Variants in CTNND2 observed in about 807,000 individuals in gnomAD.
CTNND2 encodes catenin delta 2, also known as catenin delta-2.
In CTNND2, 22 loss-of-function variants were observed where a neutral mutation model predicts 144.4. That is an observed-to-expected ratio of 0.15 (90% CI 0.11 to 0.22). The LOEUF is 0.22. Among genes scored for constraint, CTNND2 ranks in the 10% least tolerant of loss-of-function variants. The probability of loss-of-function intolerance (pLI) is 1.00; values close to 1 mark genes in which losing one functional copy is unlikely to be tolerated. For missense variants in CTNND2, 1,353 were observed against 1,618.8 expected (o/e 0.84, Z 2.82); for synonymous variants, 751 against 695.6 (o/e 1.08, Z -1.25).
intron 9 of CTNND2, among the ~76,000 whole-genome samples, chr5:11,242,250 T>C (rs1742529654): frequency 2.0e-5 from 3 of 152,224 alleles, no homozygotes; most frequent in Admixed American, 2.0e-4. Context: ...TCACACACTT[T>C]AATGTTCTAA....
At chr5:11,564,915 A>G in intron 3 of CTNND2, 29 bp downstream of exon 3, 1 of 1,483,254 alleles carries the variant, frequency 6.7e-7, no homozygotes, top group South Asian at 1.2e-5. Flanking sequence ...AACTCAAAGC[A>G]CAGACAATGA....
chr5:11,270,498 G>A (rs989187411), intron 9 of CTNND2, among the ~76,000 whole-genome samples: 1 of 151,126 alleles, frequency 6.6e-6, no homozygotes, highest in Non-Finnish European at 1.5e-5. Context: ...TCCATTCACT[G>A]TAATATTTAG....
At chr5:11,558,825 A>T (rs996501430) in intron 3 of CTNND2, among the ~76,000 whole-genome samples, 1 of 152,132 alleles carries the variant, frequency 6.6e-6, no homozygotes, top group Non-Finnish European at 1.5e-5. Context: ...CATTGTGAAG[A>T]TATTTAACAT....
At chr5:11,370,818 T>C (rs1018652620) in intron 7 of CTNND2, among the ~76,000 whole-genome samples, 9 of 152,212 alleles carry the variant, frequency 5.9e-5, no homozygotes, top group African/African-American at 9.6e-5. Flanking sequence ...CTAAATGACA[T>C]AGTATTCACA....
intron 2 of CTNND2, among the ~76,000 whole-genome samples, chr5:11,719,077 GCTAA>G (rs1396294718): frequency 1.3e-5 from 2 of 152,188 alleles, no homozygotes; most frequent in East Asian, 1.9e-4. Context: ...AACACTGAGA[GCTAA>G]CTGTCTTCAT....
intron 2 of CTNND2, among the ~76,000 whole-genome samples, chr5:11,566,043 G>T (rs554260033): frequency 6.6e-6 from 1 of 152,298 alleles, no homozygotes; most frequent in East Asian, 1.9e-4. Flanking sequence ...TCAAAAGGTT[G>T]CAGGGATATA....
chr5:11,637,458 C>G (rs1325520241), intron 2 of CTNND2, among the ~76,000 whole-genome samples: 2 of 152,060 alleles, frequency 1.3e-5, no homozygotes, highest in Non-Finnish European at 2.9e-5. Flanking sequence ...CACTTAATTT[C>G]CCTCCAATTA....
At position 11,384,859 on chromosome 5, in the gene CTNND2, G is replaced by C. The variant is rs1277730178; in HGVS notation, c.983C>G (p.Pro328Arg). The C allele has an allele frequency of 2.0e-5, 33 of 1,612,582 alleles. No individual in the cohort carries two copies. The highest frequency in any genetic ancestry group is 2.7e-5 in the Non-Finnish European group (32 of 1,179,648). The change falls in exon 7 of 22, where the codon CCG becomes CGG. Residue 328 changes from proline to arginine, a missense_variant. Pro to Arg is a moderately radical substitution (Grantham distance 103). Coordinates refer to ENST00000304623, the MANE Select transcript of CTNND2 (RefSeq NM_001332.4). This position sits in a 1 kb window ranked among gnomAD's most constrained non-coding sequence, Gnocchi z 5.2. ...NIVVSSAGLSPIRVTSPPTVQ... is the reference protein window; with the variant it reads ...NIVVSSAGLSRIRVTSPPTVQ... ...GGTGGGGGGCGAGGTCACGCGGATC[G>C]GGGACAGGCCGGCCGAGGACACGAC... is the stretch of plus-strand genomic sequence containing the variant.
chr5:11,154,172 G>C (rs922513041), intron 12 of CTNND2, among the ~76,000 whole-genome samples: 1 of 152,186 alleles, frequency 6.6e-6, no homozygotes, highest in African/African-American at 2.4e-5. Context: ...CATCCCCTGC[G>C]TAAGAACCTC....
Position 11,251,151 on chromosome 5 carries a change from G to A in CTNND2, c.1629-14328C>T, listed in dbSNP as rs145364646. Among the ~76,000 whole-genome samples, 19 of 152,188 alleles carry A rather than the reference G, an allele frequency of 1.2e-4. No homozygotes were observed. In the East Asian group the frequency reaches 2.9e-3, roughly 23 times the overall value. On this transcript the variant is annotated intron_variant, in intron 9 of 21. Coordinates refer to ENST00000304623, the MANE Select transcript of CTNND2 (RefSeq NM_001332.4). ...AAGTGACTGAACACAATTATTGGCC[G>A]GAGTGTTTCGGCTGCTTGACTTTAT...
intron 9 of CTNND2, among the ~76,000 whole-genome samples, chr5:11,344,378 C>T (rs1754563307): frequency 6.7e-6 from 1 of 149,206 alleles, no homozygotes. Flanking sequence ...GGCGACAAAA[C>T]GAGACTCCGT....
intron 2 of CTNND2, among the ~76,000 whole-genome samples, chr5:11,684,462 G>C (rs1023522964): frequency 1.3e-5 from 2 of 152,094 alleles, no homozygotes; most frequent in African/African-American, 4.8e-5. Context: ...TATTTTAAAG[G>C]ATATTGTTTC....
intron 3 of CTNND2, among the ~76,000 whole-genome samples, chr5:11,554,676 C>T (rs908149719): frequency 3.3e-5 from 5 of 152,132 alleles, no homozygotes; most frequent in Non-Finnish European, 7.4e-5. Flanking sequence ...TTAGTCATTA[C>T]TATTGTTAGA....
chr5:11,625,361 G>A (rs1468312755), intron 2 of CTNND2, among the ~76,000 whole-genome samples: 5 of 149,848 alleles, frequency 3.3e-5, no homozygotes, highest in Non-Finnish European at 7.4e-5. Flanking sequence ...AACTGATGCT[G>A]GAACAACTGG....
chr5:11,811,157 C>T (rs544142671), intron 1 of CTNND2, among the ~76,000 whole-genome samples: 1 of 152,260 alleles, frequency 6.6e-6, no homozygotes, highest in Non-Finnish European at 1.5e-5. Context: ...AAACTGAGGC[C>T]TGATGGAATT....
intron 2 of CTNND2, among the ~76,000 whole-genome samples, chr5:11,723,826 G>A (rs548908909): frequency 6.6e-6 from 1 of 152,156 alleles, no homozygotes; most frequent in Admixed American, 6.5e-5. Context: ...GGAGGCCGAG[G>A]TGGGCAGATT....
chr5:11,518,186 G>A (rs1772364473), intron 3 of CTNND2, among the ~76,000 whole-genome samples: 1 of 152,158 alleles, frequency 6.6e-6, no homozygotes, highest in South Asian at 2.1e-4. Context: ...ATATCATCTT[G>A]TTGATGCTGA....
intron 1 of CTNND2, among the ~76,000 whole-genome samples, chr5:11,761,174 C>T (rs1031114566): frequency 1.7e-4 from 26 of 152,250 alleles, no homozygotes; most frequent in African/African-American, 3.1e-4. Flanking sequence ...TGTCTGCACA[C>T]GGCACCCGCA....
intron 3 of CTNND2, among the ~76,000 whole-genome samples, chr5:11,479,011 A>C (rs910598463): frequency 6.6e-6 from 1 of 152,138 alleles, no homozygotes; most frequent in East Asian, 1.9e-4. Context: ...CTTAAAAAAA[A>C]TTAGGTTTGG....
Sources: allele counts gnomAD v4.1 joint callset (sites outside exome capture counted in the v4.1 genomes callset), GRCh38; gene constraint gnomAD v4.1.1; non-coding constraint Gnocchi (gnomAD v3.1); transcripts MANE v1.5; gene names NCBI Gene and HGNC (gene_info 2026-07-23, HGNC 2026-07-21).